Variants in RIMS1 observed in about 807,000 individuals in gnomAD.
The protein encoded by RIMS1 is regulating synaptic membrane exocytosis 1.
In RIMS1, 83 loss-of-function variants were observed where a neutral mutation model predicts 214.1. The observed-to-expected ratio is 0.39, with a 90% CI of 0.32 to 0.47. The LOEUF (loss-of-function observed/expected upper bound fraction) is 0.47, where lower values mean the gene tolerates loss of function less well. RIMS1 is among the 20% of genes least tolerant of loss of function. The pLI is 0.99. For synonymous variants in RIMS1, 793 were observed against 786.8 expected (o/e 1.01, Z -0.13); for missense variants, 2,050 against 2,161.8 (o/e 0.95, Z 1.03).
chr6:71,898,030 T>C (rs1423633988), intron 1 of RIMS1, among the ~76,000 whole-genome samples: 1 of 152,162 alleles, frequency 6.6e-6, no homozygotes, highest in East Asian at 1.9e-4. Flanking sequence ...GAAAATATAT[T>C]GGATACTAGA....
chr6:72,263,652 T>G, intron 19 of RIMS1: 1 of 984,668 alleles, frequency 1.0e-6, no homozygotes, highest in Non-Finnish European at 1.2e-6. Flanking sequence ...AAAAGAAGAG[T>G]CGACTGTCTA....
chr6:72,089,462 G>A (rs753267324), intron 2 of RIMS1, among the ~76,000 whole-genome samples: 1 of 151,896 alleles, frequency 6.6e-6, no homozygotes, highest in Non-Finnish European at 1.5e-5. Flanking sequence ...TTTGTTTTTT[G>A]TATTAGACAG....
chr6:72,008,859 C>T (rs986225037), intron 2 of RIMS1, among the ~76,000 whole-genome samples: 1 of 152,016 alleles, frequency 6.6e-6, no homozygotes, highest in African/African-American at 2.4e-5. Context: ...ACTTAGACTC[C>T]CACACAATAA....
At chr6:71,971,698 C>T (rs1795903974) in intron 2 of RIMS1, among the ~76,000 whole-genome samples, 1 of 152,124 alleles carries the variant, frequency 6.6e-6, no homozygotes, top group Admixed American at 6.5e-5. Context: ...AGGCACATCT[C>T]ACATGGCAGC....
chr6:72,196,829 G>C (rs9446596), intron 6 of RIMS1, among the ~76,000 whole-genome samples: 1 of 92,744 alleles, frequency 1.1e-5, no homozygotes, highest in African/African-American at 4.3e-5. Context: ...TGGTGGAGTA[G>C]AGAGCTATTT....
At chr6:72,245,715 A>G in intron 10 of RIMS1, 100 bp from the exon 11 acceptor site, 1 of 866,826 alleles carries the variant, frequency 1.2e-6, no homozygotes, top group Non-Finnish European at 1.9e-6. Context: ...ACACCTGTAA[A>G]GACCCAGCAG....
intron 22 of RIMS1, among the ~76,000 whole-genome samples, chr6:72,271,734 C>T (rs4607401): frequency 0.98 from 149,635 of 152,268 alleles, 73,575 homozygotes; most frequent in East Asian, 1. Flanking sequence ...ATAGCACTGT[C>T]TATTTCTTGG....
intron 29 of RIMS1, among the ~76,000 whole-genome samples, chr6:72,361,960 G>C (rs559438477): frequency 3.4e-5 from 5 of 145,274 alleles, no homozygotes; most frequent in African/African-American, 1.3e-4. Flanking sequence ...CATCTTTGGA[G>C]GACCATTACT....
chr6:71,965,517 G>C (rs539286911), intron 1 of RIMS1, among the ~76,000 whole-genome samples: 2 of 152,324 alleles, frequency 1.3e-5, no homozygotes, highest in Non-Finnish European at 2.9e-5. Context: ...TTTCTCCCGT[G>C]TGTACGTGCA....
chr6:72,229,212 C>A lies in RIMS1; in HGVS notation c.1679-4561C>A, dbSNP rs568120616. Among the ~76,000 whole-genome samples, 27 of 151,686 alleles carry A rather than the reference C, an allele frequency of 1.8e-4. No homozygotes were observed. The South Asian group carries it at 5.2e-3, about 29-fold the overall frequency. Reference sequence around the variant, plus strand: ...ATTACCTAATTTTATGCAGTGTTTGCCTTCAGATATGTTTAGGGAGTGAAT... The same window carrying A: ...ATTACCTAATTTTATGCAGTGTTTGACTTCAGATATGTTTAGGGAGTGAAT... On this transcript the variant is annotated intron_variant, in intron 6 of 33. Coordinates refer to ENST00000521978, the MANE Select transcript of RIMS1 (RefSeq NM_014989.7).
At chr6:72,131,184 A>G (rs1187020467) in intron 4 of RIMS1, among the ~76,000 whole-genome samples, 1 of 152,194 alleles carries the variant, frequency 6.6e-6, no homozygotes, top group Non-Finnish European at 1.5e-5. Flanking sequence ...CTTCAACATT[A>G]AGAGAGTTAG....
intron 23 of RIMS1, 143 bp from the exon 24 acceptor site, chr6:72,283,904 T>C (rs1029861055): frequency 1.7e-6 from 1 of 590,784 alleles, no homozygotes; most frequent in East Asian, 3.0e-5. Flanking sequence ...ATTTATTTGT[T>C]TATTTAGTTT....
intron 29 of RIMS1, among the ~76,000 whole-genome samples, chr6:72,371,893 C>T (rs981310947): frequency 1.3e-5 from 2 of 152,162 alleles, no homozygotes; most frequent in Non-Finnish European, 2.9e-5. Context: ...TCCTTGGTTT[C>T]CTCATCCAAA....
intron 1 of RIMS1, among the ~76,000 whole-genome samples, chr6:71,955,152 A>G (rs1410355807): frequency 6.6e-6 from 1 of 151,992 alleles, no homozygotes; most frequent in African/African-American, 2.4e-5. Context: ...GAATAAGACT[A>G]CTATGAATAT....
chr6:72,234,623 G>T (rs574526799), intron 7 of RIMS1, among the ~76,000 whole-genome samples: 19 of 152,060 alleles, frequency 1.2e-4, no homozygotes, highest in African/African-American at 4.6e-4. Context: ...TATACATTCT[G>T]TGGTTTTTAA....
At chr6:72,065,688 A>G (rs1031736031) in intron 2 of RIMS1, among the ~76,000 whole-genome samples, 1 of 152,168 alleles carries the variant, frequency 6.6e-6, no homozygotes, top group Non-Finnish European at 1.5e-5. Flanking sequence ...TATGAGGAAG[A>G]TTCAATTATC....
At chr6:72,235,148 A>G (rs1373725504) in intron 7 of RIMS1, among the ~76,000 whole-genome samples, 1 of 152,088 alleles carries the variant, frequency 6.6e-6, no homozygotes, top group Non-Finnish European at 1.5e-5. Flanking sequence ...ATGTATAGTG[A>G]TCACATCAGG....
intron 2 of RIMS1, among the ~76,000 whole-genome samples, chr6:72,087,901 A>G (rs895755835): frequency 1.3e-5 from 2 of 152,096 alleles, no homozygotes; most frequent in Admixed American, 6.5e-5. Context: ...GTCAACTTTA[A>G]TTTTCCAGTC....
At chr6:72,205,735 A>G (rs1268424737) in intron 6 of RIMS1, among the ~76,000 whole-genome samples, 4 of 152,188 alleles carry the variant, frequency 2.6e-5, no homozygotes, top group Admixed American at 6.5e-5. Context: ...TGGCATAATA[A>G]ATACTTTATG....
Sources: gnomAD v4.1 joint callset for allele counts (sites outside exome capture counted in the v4.1 genomes callset) on GRCh38, gnomAD v4.1.1 for gene constraint, MANE v1.5 for transcripts, NCBI Gene and HGNC (gene_info 2026-07-23, HGNC 2026-07-21) for gene names.